Variants in RALYL observed in about 807,000 individuals in gnomAD.
The protein encoded by RALYL is RALY RNA binding protein like, also known as RNA-binding Raly-like protein.
A neutral mutation model predicts 35.1 loss-of-function variants in RALYL; 29 were observed. The observed-to-expected ratio is 0.83, with a 90% CI of 0.61 to 1.13. RALYL has a LOEUF of 1.13. Ranked by LOEUF, RALYL falls within the 50% of genes most tolerant of loss-of-function variation. RALYL has a pLI of 0.00. For missense variants in RALYL, 359 were observed against 360.4 expected (o/e 1.00, Z 0.03); for synonymous variants, 120 against 127.6 (o/e 0.94, Z 0.40).
intron 1 of RALYL, among the ~76,000 whole-genome samples, chr8:84,357,877 GAAA>G (rs1852188818): frequency 6.7e-6 from 1 of 149,974 alleles, no homozygotes; most frequent in Non-Finnish European, 1.5e-5. Context: ...GCTTACCTGA[GAAA>G]AAATAAATTT....
chr8:84,206,322 G>C (rs1307427441), intron 1 of RALYL, among the ~76,000 whole-genome samples: 1 of 152,150 alleles, frequency 6.6e-6, no homozygotes, highest in Non-Finnish European at 1.5e-5. Flanking sequence ...GGTAACTTCA[G>C]CCTTCCTCGT....
At chr8:84,698,625 G>T (rs560609529) in intron 2 of RALYL, among the ~76,000 whole-genome samples, 1 of 152,094 alleles carries the variant, frequency 6.6e-6, no homozygotes, top group African/African-American at 2.4e-5. Context: ...GCAGAGGAAA[G>T]AAACCCCACA....
At chr8:84,573,510 T>C (rs1158980288) in intron 2 of RALYL, among the ~76,000 whole-genome samples, 6 of 151,870 alleles carry the variant, frequency 4.0e-5, no homozygotes, top group Non-Finnish European at 5.9e-5. Flanking sequence ...AACAATTTCA[T>C]TAGAAAATAC....
chr8:84,843,328 C>A (rs555786461), intron 4 of RALYL, among the ~76,000 whole-genome samples: 238 of 152,204 alleles, frequency 1.6e-3, no homozygotes, highest in Admixed American at 6.7e-3. Flanking sequence ...CAATAACAGA[C>A]AAACAGAGGG....
At chr8:84,320,367 T>C (rs1844574560) in intron 1 of RALYL, among the ~76,000 whole-genome samples, 1 of 152,034 alleles carries the variant, frequency 6.6e-6, no homozygotes, top group Non-Finnish European at 1.5e-5. Context: ...TATATATGTA[T>C]ATCTTTCTCA....
chr8:84,564,971 AAGG>A (rs2061685761), intron 2 of RALYL, among the ~76,000 whole-genome samples: 2 of 151,686 alleles, frequency 1.3e-5, no homozygotes, highest in East Asian at 3.9e-4. Context: ...AATGTAAATC[AAGG>A]CTTTATATTT....
chr8:84,522,395 G>A lies in RALYL; in HGVS notation c.-23-6904G>A, dbSNP rs573422339. On this transcript the variant is annotated intron_variant, in intron 1 of 8. Coordinates refer to ENST00000521268, the MANE Select transcript of RALYL (RefSeq NM_173848.7). ...CTCCCAAGTAGCTGGGACTACAGGC[G>A]CCCGCCACTACGCCCGGCTAATTTT... 6.6e-5 allele frequency among the ~76,000 whole-genome samples: 10 copies of A among 150,628 alleles called. No individual in the cohort carries two copies. The South Asian group carries it at 1.0e-3, about 16-fold the overall frequency.
chr8:84,609,885 A>G lies in RALYL; in HGVS notation c.256+80308A>G, dbSNP rs192165170. Among the ~76,000 whole-genome samples, 21 of 152,252 alleles carry G rather than the reference A, an allele frequency of 1.4e-4. No individual in the cohort carries two copies. In the East Asian group the frequency reaches 3.9e-3, roughly 28 times the overall value. Reference sequence around the variant, plus strand: ...CACAATCATTGTGGAAGACAAAGGAAAAGCAAAGGGATGCCTCACGTAGTG... The same window carrying G: ...CACAATCATTGTGGAAGACAAAGGAGAAGCAAAGGGATGCCTCACGTAGTG... On this transcript the variant is annotated intron_variant, in intron 2 of 8. Coordinates refer to ENST00000521268, the MANE Select transcript of RALYL (RefSeq NM_173848.7).
At chr8:84,633,858 G>GAATCCAGTCA (rs2131280146) in intron 2 of RALYL, among the ~76,000 whole-genome samples, 1 of 151,920 alleles carries the variant, frequency 6.6e-6, no homozygotes, top group East Asian at 1.9e-4. Flanking sequence ...ACTTAGACTT[G>GAATCCAGTCA]AATCCAGTCC....
intron 2 of RALYL, among the ~76,000 whole-genome samples, chr8:84,555,782 T>C (rs1036774898): frequency 2.6e-4 from 40 of 152,334 alleles, no homozygotes; most frequent in Admixed American, 1.3e-3. Flanking sequence ...TTGTAGCTTA[T>C]ATAACATTTT....
chr8:84,829,489 A>C (rs1468806250), intron 4 of RALYL: 1 of 154,130 alleles, frequency 6.5e-6, no homozygotes, highest in Admixed American at 6.5e-5. Context: ...TCTTTCCAGT[A>C]AGTCTGTTTG....
intron 2 of RALYL, among the ~76,000 whole-genome samples, chr8:84,593,473 A>G (rs1293524251): frequency 6.6e-6 from 1 of 152,076 alleles, no homozygotes; most frequent in Non-Finnish European, 1.5e-5. Flanking sequence ...TGGCTTATCA[A>G]TTGGCTTTTG....
At chr8:84,508,083 G>T (rs892195019) in intron 1 of RALYL, among the ~76,000 whole-genome samples, 1 of 152,080 alleles carries the variant, frequency 6.6e-6, no homozygotes, top group Non-Finnish European at 1.5e-5. Context: ...AAGAATAAAA[G>T]AAGTTATATT....
At chr8:84,618,509 G>T (rs1460097645) in intron 2 of RALYL, among the ~76,000 whole-genome samples, 1 of 138,268 alleles carries the variant, frequency 7.2e-6, no homozygotes, top group Non-Finnish European at 1.6e-5. Context: ...TCTTGCTAGC[G>T]GTCTATCAAT....
intron 1 of RALYL, among the ~76,000 whole-genome samples, chr8:84,317,684 G>A (rs1844014195): frequency 6.6e-6 from 1 of 152,128 alleles, no homozygotes; most frequent in South Asian, 2.1e-4. Flanking sequence ...TTGCTAACCA[G>A]GATGGAAGAG....
intron 1 of RALYL, among the ~76,000 whole-genome samples, chr8:84,193,538 TA>T (rs1189867665): frequency 6.6e-6 from 1 of 152,214 alleles, no homozygotes; most frequent in Non-Finnish European, 1.5e-5. Flanking sequence ...CTGTGGTAAA[TA>T]AAACTGATAA....
intron 2 of RALYL, among the ~76,000 whole-genome samples, chr8:84,669,361 A>T (rs1832731666): frequency 6.6e-6 from 1 of 151,256 alleles, no homozygotes; most frequent in Non-Finnish European, 1.5e-5. Flanking sequence ...ATTTTTTTTT[A>T]ATTTCAACTT....
chr8:84,261,775 T>C (rs185908596), intron 1 of RALYL, among the ~76,000 whole-genome samples: 3 of 152,280 alleles, frequency 2.0e-5, no homozygotes, highest in East Asian at 1.9e-4. Flanking sequence ...CAAATTTTAT[T>C]TTTAATATGT....
intron 1 of RALYL, among the ~76,000 whole-genome samples, chr8:84,427,710 ACTG>A (rs1262113188): frequency 6.6e-6 from 1 of 152,062 alleles, no homozygotes; most frequent in African/African-American, 2.4e-5. Flanking sequence ...CTCCTGTTCT[ACTG>A]CTATCTGAGA....
Sources: gnomAD v4.1 joint callset for allele counts (sites outside exome capture counted in the v4.1 genomes callset) on GRCh38, gnomAD v4.1.1 for gene constraint, MANE v1.5 for transcripts, NCBI Gene and HGNC (gene_info 2026-07-23, HGNC 2026-07-21) for gene names.